Variants in GABRA3 observed in about 807,000 individuals in gnomAD.
The protein encoded by GABRA3 is gamma-aminobutyric acid type A receptor subunit alpha3, also known as gamma-aminobutyric acid receptor subunit alpha-3.
A neutral mutation model predicts 30.1 loss-of-function variants in GABRA3; 10 were observed. The observed-to-expected ratio is 0.33, with a 90% CI of 0.20 to 0.56. The LOEUF (loss-of-function observed/expected upper bound fraction) is 0.56. Ranked by LOEUF, GABRA3 falls within the 20% of genes least tolerant of loss-of-function variation. GABRA3 has a pLI of 0.89. For synonymous variants in GABRA3, 151 were observed against 146.8 expected, an observed-to-expected ratio of 1.03 and a Z score of -0.21; for missense variants, 233 against 392.0, an observed-to-expected ratio of 0.59 and a Z score of 3.42.
At chrX:152,171,646 A>C (rs1290631875) in intron 9 of GABRA3, among the ~76,000 whole-genome samples, 1 of 111,472 alleles carries the variant, frequency 9.0e-6, no homozygotes, top group African/African-American at 3.3e-5. Flanking sequence ...ATGTTTACTG[A>C]ATGAAAAAAT....
At chrX:152,290,816 A>T (rs1939397891) in intron 3 of GABRA3, among the ~76,000 whole-genome samples, 1 of 111,700 alleles carries the variant, frequency 9.0e-6, no homozygotes. Flanking sequence ...CAAAGATCAG[A>T]TAGTTGTAGA....
At chrX:152,198,791 A>T (rs1937423305) in intron 7 of GABRA3, among the ~76,000 whole-genome samples, 1 of 111,993 alleles carries the variant, frequency 8.9e-6, no homozygotes, top group Non-Finnish European at 1.9e-5. Context: ...TGTGTCTTTA[A>T]TACCTTAAAC....
chrX:152,228,353 G>A (rs1231508716), intron 5 of GABRA3, among the ~76,000 whole-genome samples: 1 of 111,800 alleles, frequency 8.9e-6, no homozygotes, highest in Non-Finnish European at 1.9e-5. Flanking sequence ...GGTGGGTTGA[G>A]CAAGAAGTGG....
chrX:152,395,835 C>G (rs752495378), intron 1 of GABRA3, among the ~76,000 whole-genome samples: 4 of 112,170 alleles, frequency 3.6e-5, no homozygotes. Flanking sequence ...AGAAGTTGGT[C>G]AATCACAGAT....
At chrX:152,326,705 C>A (rs1489205658) in intron 3 of GABRA3, among the ~76,000 whole-genome samples, 1 of 111,401 alleles carries the variant, frequency 9.0e-6, no homozygotes, top group Non-Finnish European at 1.9e-5. Flanking sequence ...CTGAAGGAAG[C>A]ACTAAACATG....
At chrX:152,378,643 G>A (rs1929060529) in intron 1 of GABRA3, among the ~76,000 whole-genome samples, 1 of 111,375 alleles carries the variant, frequency 9.0e-6, no homozygotes, top group Non-Finnish European at 1.9e-5. Flanking sequence ...ATTAAAAGAA[G>A]ATGATAGTTT....
intron 3 of GABRA3, among the ~76,000 whole-genome samples, chrX:152,313,072 TA>T (rs1386012259): frequency 9.0e-6 from 1 of 111,513 alleles, no homozygotes; most frequent in Non-Finnish European, 1.9e-5. Context: ...TCCCTGAACC[TA>T]AAAGTTGGAA....
chrX:152,430,948 G>T (rs1281770594), intron 1 of GABRA3, among the ~76,000 whole-genome samples: 1 of 110,181 alleles, frequency 9.1e-6, no homozygotes, highest in Non-Finnish European at 1.9e-5. Flanking sequence ...GAGAGGGAAA[G>T]AAAGAATAGC....
At chrX:152,401,266 G>GTATATATATATATATATATATA (rs747896105) in intron 1 of GABRA3, among the ~76,000 whole-genome samples, 5 of 97,316 alleles carry the variant, frequency 5.1e-5, no homozygotes, top group African/African-American at 2.0e-4. Context: ...TTTAATGTGT[G>GTATATATATATATATATATATA]TATATATATA....
chrX:152,359,370 G>T (rs1376423330), intron 2 of GABRA3, among the ~76,000 whole-genome samples: 1 of 109,881 alleles, frequency 9.1e-6, no homozygotes, highest in Non-Finnish European at 1.9e-5. Flanking sequence ...AGTCTCTGAG[G>T]GTTTTCTGTA....
chrX:152,291,498 T>G (rs1939416346), intron 3 of GABRA3, among the ~76,000 whole-genome samples: 1 of 111,744 alleles, frequency 8.9e-6, no homozygotes, highest in African/African-American at 3.3e-5. Flanking sequence ...TTGAATACCC[T>G]TTATTTATTT....
At chrX:152,349,046 C>T (rs1236359435) in intron 2 of GABRA3, among the ~76,000 whole-genome samples, 3 of 111,983 alleles carry the variant, frequency 2.7e-5, no homozygotes, top group Non-Finnish European at 3.8e-5. Flanking sequence ...TCGCATTTTA[C>T]CCACAGTAGA....
At chrX:152,289,003 G>A (rs1007747893) in intron 3 of GABRA3, among the ~76,000 whole-genome samples, 1 of 109,327 alleles carries the variant, frequency 9.1e-6, no homozygotes, top group Non-Finnish European at 1.9e-5. Context: ...TATGCATAAC[G>A]TACACATACA....
intron 2 of GABRA3, among the ~76,000 whole-genome samples, chrX:152,346,944 A>G (rs1940401180): frequency 2.7e-5 from 3 of 111,749 alleles, no homozygotes; most frequent in Admixed American, 1.9e-4. Context: ...GTTCCTCAAA[A>G]TATTAAAAAT....
At chrX:152,231,070 T>A (rs1938058837) in intron 5 of GABRA3, among the ~76,000 whole-genome samples, 1 of 108,829 alleles carries the variant, frequency 9.2e-6, no homozygotes, top group Non-Finnish European at 1.9e-5. Context: ...AGGACTTGCA[T>A]TAAAAATACA....
At position 152,445,365 on chromosome X, in the gene GABRA3, A is replaced by T. The variant is rs527376811; in HGVS notation, c.-27+5781T>A. 3.2e-4 allele frequency among the ~76,000 whole-genome samples: 36 copies of T among 111,480 alleles called. No homozygotes were observed. The South Asian group carries it at 0.013, about 41-fold the overall frequency. On this transcript the variant is annotated intron_variant, in intron 1 of 9. Transcript: ENST00000370314. ...TGTGTATTTAACAGTATTATGCCCC[A>T]TCTTATTCTCAGTGACTTTAGTTTA...
At chrX:152,347,922 T>C (rs960163167) in intron 2 of GABRA3, among the ~76,000 whole-genome samples, 5 of 111,846 alleles carry the variant, frequency 4.5e-5, no homozygotes, top group East Asian at 2.8e-4. Context: ...GGAGGATTAC[T>C]TGAGCCTGGG....
At chrX:152,279,120 T>A (rs1278592187) in intron 4 of GABRA3, among the ~76,000 whole-genome samples, 1 of 112,079 alleles carries the variant, frequency 8.9e-6, no homozygotes, top group Non-Finnish European at 1.9e-5. Flanking sequence ...TTTAATTAGA[T>A]CCCATTTGTC....
At chrX:152,250,880 ATAACACTTTCTGAAAAATTC>A (rs1938542370) in intron 5 of GABRA3, among the ~76,000 whole-genome samples, 1 of 111,230 alleles carries the variant, frequency 9.0e-6, no homozygotes, top group African/African-American at 3.3e-5. Context: ...GTGCTATAGA[ATAACACTTTCTGAAAAATTC>A]TAAGTGTTCT....
Sources: allele counts gnomAD v4.1 joint callset (sites outside exome capture counted in the v4.1 genomes callset), GRCh38; gene constraint gnomAD v4.1.1; transcripts MANE v1.5; gene names NCBI Gene and HGNC (gene_info 2026-07-23, HGNC 2026-07-21).